The following ZNF521 variants were observed in gnomAD, a reference collection of about 807,000 sequenced individuals.
The protein encoded by ZNF521 is LYST-interacting protein 3.
In ZNF521, 14 loss-of-function variants were observed where a neutral mutation model predicts 105.5. The observed-to-expected ratio is 0.13, with a 90% CI of 0.09 to 0.21. ZNF521 has a LOEUF of 0.21. ZNF521 is among the 10% of genes least tolerant of loss of function. ZNF521 has a pLI of 1.00. For synonymous variants in ZNF521, 635 were observed against 606.0 expected, an observed-to-expected ratio of 1.05 and a Z score of -0.70; for missense variants, 1,233 against 1,629.7, an observed-to-expected ratio of 0.76 and a Z score of 4.19.
chr18:25,065,240 G>A (rs941132459), intron 7 of ZNF521, among the ~76,000 whole-genome samples: 6 of 152,120 alleles, frequency 3.9e-5, no homozygotes, highest in African/African-American at 1.2e-4. Context: ...TACAGATCGA[G>A]CACCTCCAAA....
intron 5 of ZNF521, among the ~76,000 whole-genome samples, chr18:25,154,293 C>A (rs1049716154): frequency 1.3e-5 from 2 of 152,184 alleles, no homozygotes; most frequent in African/African-American, 4.8e-5. Flanking sequence ...TACACCAGTT[C>A]TAAAATTGCT....
At chr18:25,256,032 GTATATATATGA>G (rs1384169578) in intron 3 of ZNF521, among the ~76,000 whole-genome samples, 3 of 146,606 alleles carry the variant, frequency 2.0e-5, no homozygotes, top group African/African-American at 7.5e-5. Context: ...TATATATATG[GTATATATATGA>G]TATATATATA....
At chr18:25,081,167 G>T (rs2033486460) in intron 7 of ZNF521, among the ~76,000 whole-genome samples, 1 of 152,172 alleles carries the variant, frequency 6.6e-6, no homozygotes, top group African/African-American at 2.4e-5. Flanking sequence ...TGGCCACAGT[G>T]CTCTTCAGTA....
chr18:25,341,738 C>T (rs1033969099), intron 2 of ZNF521, among the ~76,000 whole-genome samples: 6 of 152,326 alleles, frequency 3.9e-5, no homozygotes, highest in African/African-American at 1.2e-4. Context: ...AAAAAGTTAA[C>T]ATACCATACA....
intron 2 of ZNF521, among the ~76,000 whole-genome samples, chr18:25,326,607 T>C (rs558674420): frequency 8.2e-4 from 125 of 152,306 alleles, no homozygotes; most frequent in African/African-American, 2.8e-3. Flanking sequence ...TACAAAGTAT[T>C]ACTATAAAAA....
chr18:25,069,392 A>G (rs1387772942), intron 7 of ZNF521, among the ~76,000 whole-genome samples: 1 of 152,228 alleles, frequency 6.6e-6, no homozygotes, highest in Admixed American at 6.5e-5. Flanking sequence ...TAACATTTTC[A>G]AAGTCCACAC....
At chr18:25,140,493 T>G (rs1478803894) in intron 5 of ZNF521, among the ~76,000 whole-genome samples, 1 of 152,168 alleles carries the variant, frequency 6.6e-6, no homozygotes. Flanking sequence ...GGAATTTAGC[T>G]AAAACTGTTA....
chr18:25,084,350 G>A (rs1039391891), intron 7 of ZNF521, among the ~76,000 whole-genome samples: 1 of 150,844 alleles, frequency 6.6e-6, no homozygotes, highest in Non-Finnish European at 1.5e-5. Flanking sequence ...CCCATAGGCA[G>A]TAATTCATTT....
rs555588658 is a variant in ZNF521, at chr18:25,205,433, T to A, written c.3574-10189A>T. Among the ~76,000 whole-genome samples the A allele has an allele frequency of 4.7e-4, 72 of 152,224 alleles. 2 individuals carry two copies. The highest frequency in any genetic ancestry group is 4.0e-3 in the Admixed American group (61 of 15,278). On this transcript the variant is annotated intron_variant, in intron 4 of 7. Coordinates refer to ENST00000361524, the MANE Select transcript of ZNF521 (RefSeq NM_015461.3). ...GGAAAAGAGAAGTCAAAATTTGGGG[T>A]TACACAAAATTAGGGCCTATTTTCC...
At chr18:25,320,571 G>T (rs1912887269) in intron 3 of ZNF521, among the ~76,000 whole-genome samples, 1 of 152,180 alleles carries the variant, frequency 6.6e-6, no homozygotes, top group Admixed American at 6.5e-5. Context: ...GAGGTGTGAT[G>T]ATGTCTCCAA....
At chr18:25,111,896 C>G (rs2034198081) in intron 5 of ZNF521, among the ~76,000 whole-genome samples, 1 of 152,212 alleles carries the variant, frequency 6.6e-6, no homozygotes, top group Admixed American at 6.5e-5. Flanking sequence ...TCTGGCCCTC[C>G]TCGGCGTGGC....
In ZNF521 at chr18:25,225,205, G is replaced by T. The variant is rs760761394; in HGVS notation, c.2713C>A (p.Gln905Lys). 5 of 1,614,104 alleles carry T rather than the reference G, an allele frequency of 3.1e-6. No homozygotes were observed. The highest frequency in any genetic ancestry group is 3.3e-4 in the Middle Eastern group (2 of 6,062). Residue 905 changes from glutamine to lysine, a missense_variant, in exon 4 of 8, where the codon CAG (glutamine) becomes AAG (lysine). Physicochemically the swap from Gln to Lys is moderately conservative, Grantham distance 53 (BLOSUM62 1). Around this residue, in one of 6 missense-constraint regions of ZNF521, gnomAD observed 614 missense variants for 751.5 expected, o/e 0.82. Coordinates refer to ENST00000361524, the MANE Select transcript of ZNF521 (RefSeq NM_015461.3). This position sits in a 1 kb window ranked among gnomAD's most constrained non-coding sequence, Gnocchi z 5.6. Reference protein sequence around the residue: ...YTMETLLQNHQLRDHNIRPGE... With the variant: ...YTMETLLQNHKLRDHNIRPGE... ...GGTCTGATGTTGTGGTCTCGGAGCT[G>T]GTGATTCTGCAGCAAAGTTTCCATA... is the stretch of plus-strand genomic sequence containing the variant.
At chr18:25,163,841 C>T (rs1054301655) in intron 5 of ZNF521, among the ~76,000 whole-genome samples, 1 of 152,070 alleles carries the variant, frequency 6.6e-6, no homozygotes, top group African/African-American at 2.4e-5. Context: ...CTTTCCCTCG[C>T]GACATATCAG....
At chr18:25,177,004 AT>A (rs2035547019) in intron 5 of ZNF521, among the ~76,000 whole-genome samples, 1 of 152,186 alleles carries the variant, frequency 6.6e-6, no homozygotes, top group Non-Finnish European at 1.5e-5. Flanking sequence ...TCTGTTCTAC[AT>A]CTGAGGACCT....
chr18:25,330,366 A>C (rs1913498585), intron 2 of ZNF521, among the ~76,000 whole-genome samples: 1 of 151,586 alleles, frequency 6.6e-6, no homozygotes, highest in Non-Finnish European at 1.5e-5. Flanking sequence ...GGGTTTCACC[A>C]TGTTGGCCAG....
chr18:25,062,569 C>T lies in ZNF521; in HGVS notation c.*143G>A, dbSNP rs1158742333. 5 of 1,150,598 alleles carry T rather than the reference C, an allele frequency of 4.3e-6. No homozygotes were observed. In the East Asian group the frequency reaches 9.5e-5, roughly 22 times the overall value. 71.3% of individuals were successfully genotyped at this position (1,150,598 alleles called of 1,614,324 possible). ...GCAAAAGTTCAAACACATGAACATC[C>T]AACAGTTTGATAATACAAGTTTTAT... On this transcript the variant is annotated 3_prime_UTR_variant, in exon 8 of 8. Transcript: ENST00000361524.
intron 2 of ZNF521, among the ~76,000 whole-genome samples, chr18:25,329,140 T>C (rs1416747251): frequency 6.6e-6 from 1 of 152,198 alleles, no homozygotes; most frequent in African/African-American, 2.4e-5. Flanking sequence ...AAGTTTGCAA[T>C]TTGCTGCCGC....
At chr18:25,128,383 CT>C (rs1175089539) in intron 5 of ZNF521, among the ~76,000 whole-genome samples, 3 of 151,908 alleles carry the variant, frequency 2.0e-5, no homozygotes, top group Non-Finnish European at 4.4e-5. Context: ...AAGCTAGAAG[CT>C]TTCCCTCTAA....
intron 5 of ZNF521, among the ~76,000 whole-genome samples, chr18:25,125,331 T>C (rs1256704962): frequency 6.6e-6 from 1 of 152,160 alleles, no homozygotes; most frequent in Non-Finnish European, 1.5e-5. Context: ...TTTGGCATTT[T>C]ACACTTTTCA....
Sources: allele counts gnomAD v4.1 joint callset (sites outside exome capture counted in the v4.1 genomes callset), GRCh38; gene constraint gnomAD v4.1.1; regional missense constraint gnomAD v4.1.1; non-coding constraint Gnocchi (gnomAD v3.1); transcripts MANE v1.5; gene names NCBI Gene and HGNC (gene_info 2026-07-23, HGNC 2026-07-21).